MEF2C: variants seen among roughly 807,000 people sequenced by gnomAD.
MEF2C encodes myocyte enhancer factor 2C, also known as myocyte-specific enhancer factor 2C.
MEF2C carries 6 observed loss-of-function variants against 50.5 expected under a neutral mutation model. That is an observed-to-expected ratio of 0.12 (90% CI 0.07 to 0.23). The LOEUF (loss-of-function observed/expected upper bound fraction) is 0.23. Ranked by LOEUF, MEF2C falls within the 10% of genes least tolerant of loss-of-function variation. MEF2C has a pLI of 1.00. For missense variants in MEF2C, 276 were observed against 605.0 expected, an observed-to-expected ratio of 0.46 and a Z score of 5.70; for synonymous variants, 183 against 228.0, an observed-to-expected ratio of 0.80 and a Z score of 1.78.
chr5:88,836,347 G>C (rs1815091496), intron 1 of MEF2C, among the ~76,000 whole-genome samples: 1 of 151,810 alleles, frequency 6.6e-6, no homozygotes, highest in Admixed American at 6.6e-5. Context: ...CTAGTAGGAT[G>C]ACCTCTGGGA....
intron 3 of MEF2C, among the ~76,000 whole-genome samples, chr5:88,788,186 ATTTATTT>A (rs1562037183): frequency 7.2e-6 from 1 of 138,476 alleles, no homozygotes; most frequent in African/African-American, 2.5e-5. Flanking sequence ...TTGTTTATTT[ATTTATTT>A]ATTTATTTAT....
intron 1 of MEF2C, among the ~76,000 whole-genome samples, chr5:88,848,858 T>A (rs931328745): frequency 6.6e-6 from 1 of 152,080 alleles, no homozygotes; most frequent in Non-Finnish European, 1.5e-5. Context: ...CTTCTTAAAA[T>A]AATATTATTG....
chr5:88,802,281 T>A (rs1798690885), intron 3 of MEF2C, among the ~76,000 whole-genome samples: 1 of 152,326 alleles, frequency 6.6e-6, no homozygotes, highest in Non-Finnish European at 1.5e-5. Context: ...CCCAGAGAGG[T>A]ACCCAACTCA....
chr5:88,721,538 C>A lies in MEF2C; in HGVS notation c.*1066G>T, dbSNP rs1298206093. Reference sequence around the variant, plus strand: ...TCAAATGTGCAACTGCACAAATATACCCCCCTCCCGCTATTAAGATAACAA... The same window carrying A: ...TCAAATGTGCAACTGCACAAATATAACCCCCTCCCGCTATTAAGATAACAA... On this transcript the variant is annotated 3_prime_UTR_variant, in exon 11 of 11. Coordinates refer to ENST00000504921, the MANE Select transcript of MEF2C (RefSeq NM_002397.5). 6.6e-6 allele frequency: 1 copy of A among 152,450 alleles called. No individual in the cohort carries two copies. Among genetic ancestry groups the A allele is most frequent in the Non-Finnish European group, 1.5e-5 (1 of 67,992 alleles). 9.4% of individuals were successfully genotyped at this position (152,450 alleles called of 1,614,324 possible).
chr5:88,820,262 T>G (rs1295246985), intron 2 of MEF2C, among the ~76,000 whole-genome samples: 4 of 151,888 alleles, frequency 2.6e-5, no homozygotes, highest in Non-Finnish European at 5.9e-5. Context: ...GCCAAAAAAT[T>G]TTTTTAAATA....
chr5:88,739,336 C>T (rs957216945), intron 6 of MEF2C: 1 of 984,126 alleles, frequency 1.0e-6, no homozygotes, highest in Non-Finnish European at 1.2e-6. Flanking sequence ...GTTTTACTCA[C>T]TTTAAAAAAA....
chr5:88,867,577 A>T (rs1827817337), intron 1 of MEF2C, among the ~76,000 whole-genome samples: 1 of 152,230 alleles, frequency 6.6e-6, no homozygotes, highest in South Asian at 2.1e-4. Context: ...TCTCAAAAAA[A>T]TGTTAGCTGT....
chr5:88,749,623 C>G (rs1224803105), intron 5 of MEF2C: 1 of 424,548 alleles, frequency 2.4e-6, no homozygotes, highest in Admixed American at 6.4e-5. Context: ...TCACCGGCCA[C>G]AGATTAAGAA....
rs1777645790 is a variant in MEF2C, at chr5:88,761,083, G to A, written c.402+102C>T. ...GGGGTGAGTGCATAAGAGGAGTCGG[G>A]ATCGGGGCTTTCACAGCCTTTGTTT... On this transcript the variant is annotated intron_variant, in intron 4 of 10. Coordinates refer to ENST00000504921, the MANE Select transcript of MEF2C (RefSeq NM_002397.5). The A allele has an allele frequency of 1.9e-6, 3 of 1,613,830 alleles. No homozygotes were observed. The African/African-American group carries it at 4.0e-5, about 22-fold the overall frequency.
chr5:88,880,913 A>G (rs866743164), intron 1 of MEF2C: 1 of 152,206 alleles, frequency 6.6e-6, no homozygotes, highest in Non-Finnish European at 1.5e-5. Context: ...TTAACATTTA[A>G]TAAAACTTAC....
chr5:88,857,096 C>G (rs1823707109), intron 1 of MEF2C, among the ~76,000 whole-genome samples: 1 of 152,222 alleles, frequency 6.6e-6, no homozygotes, highest in African/African-American at 2.4e-5. Flanking sequence ...AGGGGCAGAG[C>G]TGTCCAAGGC....
At chr5:88,792,239 A>AATATACAAAAATACACAAGCTTC in intron 3 of MEF2C, among the ~76,000 whole-genome samples, 1 of 151,608 alleles carries the variant, frequency 6.6e-6, no homozygotes, top group Admixed American at 6.6e-5. Flanking sequence ...CTTCAAGTTA[A>AATATACAAAAATACACAAGCTTC]AAAAAAATAC....
chr5:88,800,872 A>G (rs975004051), intron 3 of MEF2C, among the ~76,000 whole-genome samples: 11 of 152,202 alleles, frequency 7.2e-5, no homozygotes, highest in Admixed American at 6.5e-4. Flanking sequence ...GCATATTTAT[A>G]TATTGTATCT....
chr5:88,723,037 C>A, intron 10 of MEF2C, 112 bp from the exon 11 acceptor site: 1 of 972,882 alleles, frequency 1.0e-6, no homozygotes, highest in Non-Finnish European at 1.5e-6. Flanking sequence ...AGAGCATGCC[C>A]AGAGTGAAGA....
At chr5:88,900,722 T>A (rs1835569103) in intron 1 of MEF2C, among the ~76,000 whole-genome samples, 1 of 151,988 alleles carries the variant, frequency 6.6e-6, no homozygotes, top group Admixed American at 6.6e-5. Context: ...ACATTAATTT[T>A]CCATGTGATC....
chr5:88,745,744 G>A (rs936026178), intron 6 of MEF2C, among the ~76,000 whole-genome samples: 2 of 152,196 alleles, frequency 1.3e-5, no homozygotes, highest in Non-Finnish European at 2.9e-5. Context: ...GAGACCAGGA[G>A]ATTGAGGCTG....
intron 1 of MEF2C, among the ~76,000 whole-genome samples, chr5:88,878,762 CTCTTT>C (rs536208597): frequency 1.7e-3 from 252 of 151,750 alleles, no homozygotes; most frequent in Non-Finnish European, 3.2e-3. Context: ...AAAATTATAT[CTCTTT>C]TAAGATATTT....
intron 1 of MEF2C, chr5:88,881,194 T>C (rs867940123): frequency 4.6e-5 from 7 of 152,180 alleles, no homozygotes; most frequent in Admixed American, 2.0e-4. Flanking sequence ...TGATGAAAAC[T>C]TTTAGAATTG....
intron 1 of MEF2C, among the ~76,000 whole-genome samples, chr5:88,864,497 T>C (rs567026742): frequency 3.6e-4 from 55 of 151,490 alleles, no homozygotes; most frequent in Middle Eastern, 3.5e-3. Flanking sequence ...GTGTATATAT[T>C]TGTATATTTG....
Sources: allele counts gnomAD v4.1 joint callset (sites outside exome capture counted in the v4.1 genomes callset), GRCh38; gene constraint gnomAD v4.1.1; transcripts MANE v1.5; gene names NCBI Gene and HGNC (gene_info 2026-07-23, HGNC 2026-07-21).